CCDC141: variants seen among roughly 807,000 people sequenced by gnomAD.
CCDC141 encodes the protein coiled-coil domain-containing protein 141.
Under a neutral mutation model 181.0 loss-of-function variants are expected in CCDC141, and 168 were observed. That is an observed-to-expected ratio of 0.93 (90% CI 0.82 to 1.05). CCDC141 has a LOEUF of 1.05. CCDC141 is among the 50% of genes least tolerant of loss of function. The pLI is 0.00. For synonymous variants in CCDC141, 666 were observed against 642.3 expected (o/e 1.04, Z -0.56); for missense variants, 1,902 against 1,788.5 (o/e 1.06, Z -1.14).
chr2:178,881,653 G>A (rs1412929964), intron 11 of CCDC141, among the ~76,000 whole-genome samples: 1 of 151,956 alleles, frequency 6.6e-6, no homozygotes, highest in African/African-American at 2.4e-5. Flanking sequence ...GCAAGTAGAG[G>A]TGAGGAATAT....
intron 2 of CCDC141, among the ~76,000 whole-genome samples, chr2:178,994,920 C>T (rs1575321353): frequency 6.6e-6 from 1 of 152,204 alleles, no homozygotes; most frequent in African/African-American, 2.4e-5. Flanking sequence ...CCAACAAGTT[C>T]CTCATTTCCA....
the CCDC141 span, chr2:178,817,617 T>C: frequency 6.4e-6 from 3 of 469,526 alleles, no homozygotes; most frequent in Non-Finnish European, 1.3e-5. Context: ...TGGAAGCAGA[T>C]CTCATCCTTC....
intron 1 of CCDC141, among the ~76,000 whole-genome samples, chr2:179,049,407 CTG>C (rs1366089600): frequency 1.3e-5 from 2 of 152,106 alleles, no homozygotes; most frequent in African/African-American, 4.8e-5. Flanking sequence ...CTCCCCCTGT[CTG>C]TCGGGACCTG....
rs878984587 is a variant in CCDC141, at chr2:179,017,565, T to C, written c.225+29719A>G. Among the ~76,000 whole-genome samples the C allele has an allele frequency of 2.0e-5, 3 of 152,250 alleles. No individual in the cohort carries two copies. The South Asian group carries it at 6.2e-4, about 32-fold the overall frequency. ...CTTTAAACTTGAAGAAAGTGGCAGCTAGTTTACACAAACTATCCTAAAAGA... is the reference window on the plus strand; with the variant it reads ...CTTTAAACTTGAAGAAAGTGGCAGCCAGTTTACACAAACTATCCTAAAAGA... On this transcript the variant is annotated intron_variant, in intron 2 of 23. Transcript: ENST00000443758.
intron 2 of CCDC141, among the ~76,000 whole-genome samples, chr2:178,987,018 A>T (rs868030323): frequency 1.6e-4 from 24 of 151,946 alleles, no homozygotes; most frequent in Non-Finnish European, 1.9e-4. Flanking sequence ...AAGTCAATCC[A>T]AAGCCAAAAG....
At chr2:178,911,377 G>A (rs1477199451) in intron 7 of CCDC141, among the ~76,000 whole-genome samples, 1 of 152,200 alleles carries the variant, frequency 6.6e-6, no homozygotes, top group Non-Finnish European at 1.5e-5. Context: ...CCAATGCACA[G>A]GGAAGTTAAG....
At chr2:179,025,501 T>TGAGG (rs2042815236) in intron 2 of CCDC141, among the ~76,000 whole-genome samples, 8 of 152,188 alleles carry the variant, frequency 5.3e-5, no homozygotes. Context: ...GACTTGCACC[T>TGAGG]CCTTGCCTTC....
chr2:178,847,060 G>A (rs747194188), intron 21 of CCDC141, among the ~76,000 whole-genome samples: 5 of 152,182 alleles, frequency 3.3e-5, no homozygotes, highest in African/African-American at 4.8e-5. Flanking sequence ...CGTTTGTTGC[G>A]GCTGTAACTC....
At chr2:178,853,206 G>A (rs955836491) in intron 20 of CCDC141, among the ~76,000 whole-genome samples, 5 of 152,140 alleles carry the variant, frequency 3.3e-5, no homozygotes, top group Non-Finnish European at 1.5e-5. Context: ...GAATAGAGAA[G>A]GAAGGCTTAC....
Position 179,018,187 on chromosome 2 carries a change from G to A in CCDC141, c.225+29097C>T, listed in dbSNP as rs916926484. 4.6e-5 allele frequency among the ~76,000 whole-genome samples: 7 copies of A among 152,044 alleles called. No individual in the cohort carries two copies. The East Asian group carries it at 5.8e-4, about 13-fold the overall frequency. The stretch of plus-strand genomic sequence containing the variant: ...CGTTGCACCACCTCAACTGCTATGC[G>A]GACCACAAAAAAGGATTATGGACTT... On this transcript the variant is annotated intron_variant, in intron 2 of 23. Transcript: ENST00000443758.
intron 12 of CCDC141, chr2:178,873,257 T>C (rs1447156879): frequency 6.6e-6 from 1 of 150,844 alleles, no homozygotes; most frequent in African/African-American, 2.4e-5. Flanking sequence ...TGCACACTTA[T>C]ATTTTTATGT....
intron 17 of CCDC141, among the ~76,000 whole-genome samples, chr2:178,864,348 G>A (rs1294989311): frequency 2.6e-5 from 4 of 152,174 alleles, no homozygotes; most frequent in African/African-American, 9.7e-5. Context: ...GCCTTGGGGA[G>A]ACCAACGTGC....
intron 5 of CCDC141, among the ~76,000 whole-genome samples, chr2:178,950,372 T>A (rs1379678069): frequency 6.6e-6 from 1 of 152,218 alleles, no homozygotes; most frequent in African/African-American, 2.4e-5. Context: ...ACCAGTTGCC[T>A]TTATTTTGTA....
In CCDC141 at chr2:179,038,285, A is replaced by T. The variant is rs567288642; in HGVS notation, c.225+8999T>A. Among the ~76,000 whole-genome samples, 5 of 152,338 alleles carry T rather than the reference A, an allele frequency of 3.3e-5. No homozygotes were observed. The East Asian group carries it at 9.6e-4, about 29-fold the overall frequency. Reference sequence around the variant, plus strand: ...GGCACAAAAGGACAAATATTGTGTGATTCCATTTATATGGGGTACCTAGAA... The same window carrying T: ...GGCACAAAAGGACAAATATTGTGTGTTTCCATTTATATGGGGTACCTAGAA... On this transcript the variant is annotated intron_variant, in intron 2 of 23. Coordinates refer to ENST00000443758, the MANE Select transcript of CCDC141 (RefSeq NM_173648.4).
At chr2:178,851,910 T>G (rs1179314374) in intron 20 of CCDC141, among the ~76,000 whole-genome samples, 1 of 152,220 alleles carries the variant, frequency 6.6e-6, no homozygotes, top group Admixed American at 6.5e-5. Context: ...AATGCTTGAG[T>G]AGCTTGCAAG....
intron 22 of CCDC141, among the ~76,000 whole-genome samples, chr2:178,842,644 C>T (rs1015637413): frequency 2.0e-5 from 3 of 152,178 alleles, no homozygotes; most frequent in African/African-American, 4.8e-5. Context: ...AGGAACACTA[C>T]AAGATTTTAT....
intron 2 of CCDC141, among the ~76,000 whole-genome samples, chr2:179,040,668 G>A (rs1399822025): frequency 2.0e-5 from 3 of 152,250 alleles, no homozygotes; most frequent in East Asian, 1.9e-4. Context: ...GTTTGCTAAG[G>A]ACAATGGACT....
intron 8 of CCDC141, among the ~76,000 whole-genome samples, chr2:178,899,841 T>C (rs1304453721): frequency 6.6e-6 from 1 of 152,202 alleles, no homozygotes; most frequent in Non-Finnish European, 1.5e-5. Flanking sequence ...TTCTATTTCT[T>C]TCCTGTGATG....
intron 13 of CCDC141, 40 bp from the exon 14 acceptor site, chr2:178,871,592 G>T: frequency 6.2e-7 from 1 of 1,601,616 alleles, no homozygotes; most frequent in South Asian, 1.1e-5. Context: ...CATTTTCTTT[G>T]ACATCTCCAG....
Sources: allele counts gnomAD v4.1 joint callset (sites outside exome capture counted in the v4.1 genomes callset), GRCh38; gene constraint gnomAD v4.1.1; transcripts MANE v1.5; gene names NCBI Gene and HGNC (gene_info 2026-07-23, HGNC 2026-07-21).